FRMD6: variants seen among roughly 807,000 people sequenced by gnomAD.
The protein encoded by FRMD6 is FERM domain containing 6.
A neutral mutation model predicts 73.2 loss-of-function variants in FRMD6; 37 were observed. The observed-to-expected ratio is 0.51, with a 90% confidence interval of 0.39 to 0.66. FRMD6 has a LOEUF of 0.66. Ranked by LOEUF, FRMD6 falls within the 30% of genes least tolerant of loss-of-function variation. FRMD6 has a pLI of 0.00. For missense variants in FRMD6, 714 were observed against 780.5 expected (o/e 0.91, Z 1.02); for synonymous variants, 273 against 282.2 (o/e 0.97, Z 0.33).
chr14:51,585,939 G>GTGTGTGTGTATATATA, intron 2 of FRMD6, among the ~76,000 whole-genome samples: 14 of 31,418 alleles, frequency 4.5e-4, no homozygotes, highest in African/African-American at 9.6e-4. Context: ...GTGTGTGTGT[G>GTGTGTGTGTATATATA]TATATATATA....
intron 1 of FRMD6, among the ~76,000 whole-genome samples, chr14:51,499,171 T>G: frequency 6.6e-6 from 1 of 152,322 alleles, no homozygotes; most frequent in South Asian, 2.1e-4. Flanking sequence ...AACACATGTT[T>G]CTTGATGCTC....
intron 1 of FRMD6, among the ~76,000 whole-genome samples, chr14:51,518,804 C>A (rs1371794218): frequency 6.6e-6 from 1 of 152,162 alleles, no homozygotes; most frequent in Non-Finnish European, 1.5e-5. Flanking sequence ...CTTGTTGCCA[C>A]CATAGCATTG....
At chr14:51,405,387 T>C in the FRMD6 span, among the ~76,000 whole-genome samples, 2 of 152,166 alleles carry the variant, frequency 1.3e-5, no homozygotes, top group African/African-American at 4.8e-5. Flanking sequence ...ATTTATACTT[T>C]CATCAACTGT....
the FRMD6 span, among the ~76,000 whole-genome samples, chr14:51,404,012 T>C: frequency 1.3e-5 from 2 of 152,186 alleles, no homozygotes; most frequent in African/African-American, 2.4e-5. Context: ...GCTGCACCCA[T>C]TGGAACTTCT....
the FRMD6 span, among the ~76,000 whole-genome samples, chr14:51,406,738 T>C: frequency 0.92 from 140,138 of 152,262 alleles, 64,744 homozygotes; most frequent in African/African-American, 0.97. Flanking sequence ...CTTCCATATG[T>C]ATTTGTAAAC....
the FRMD6 span, among the ~76,000 whole-genome samples, chr14:51,408,873 T>C: frequency 3.3e-5 from 5 of 152,200 alleles, no homozygotes; most frequent in Admixed American, 2.0e-4. Flanking sequence ...AGGATCCAAA[T>C]GGTTTTCATC....
At chr14:51,717,829 GAA>G (rs1157414194) in intron 10 of FRMD6, among the ~76,000 whole-genome samples, 1 of 152,136 alleles carries the variant, frequency 6.6e-6, no homozygotes, top group African/African-American at 2.4e-5. Flanking sequence ...CATTTTAGTA[GAA>G]AATGATCACA....
At chr14:51,525,516 C>T (rs2140311448) in intron 1 of FRMD6, among the ~76,000 whole-genome samples, 1 of 152,198 alleles carries the variant, frequency 6.6e-6, no homozygotes, top group South Asian at 2.1e-4. Context: ...ATCCGCTGAC[C>T]TTGTGATCCG....
the FRMD6 span, among the ~76,000 whole-genome samples, chr14:51,463,985 T>G: frequency 6.6e-6 from 1 of 152,136 alleles, no homozygotes; most frequent in African/African-American, 2.4e-5. Context: ...GTGTGGCTAG[T>G]TCGTTTTAGA....
intron 2 of FRMD6, among the ~76,000 whole-genome samples, chr14:51,636,415 C>G (rs969971927): frequency 6.6e-6 from 1 of 152,142 alleles, no homozygotes; most frequent in Non-Finnish European, 1.5e-5. Context: ...CACTGCCTGA[C>G]TGTTGGTCCA....
At position 51,701,073 on chromosome 14, in the gene FRMD6, A is replaced by G. The variant is rs778756046; in HGVS notation, c.208A>G (p.Met70Val). Residue 70 changes from methionine to valine, a missense_variant, in exon 4 of 14, where the codon ATG becomes GTG. By Grantham distance (21) the Met-to-Val change is conservative. Transcript: ENST00000344768. ...ATGTACAGATAATGAACATGTGTATATGGAGTTGTCACAAAAGCTTTACAA... is the reference window on the plus strand; with the variant it reads ...ATGTACAGATAATGAACATGTGTATGTGGAGTTGTCACAAAAGCTTTACAA... ...SVIQNNEHVY[M>V]ELSQKLYKYC... is the part of the protein sequence containing the mutation. 1.0e-5 allele frequency: 16 copies of G among 1,562,448 alleles called. No homozygotes were observed. The South Asian group carries it at 1.1e-4, about 10-fold the overall frequency.
intron 2 of FRMD6, among the ~76,000 whole-genome samples, chr14:51,588,829 G>T (rs1171531212): frequency 6.6e-6 from 1 of 152,152 alleles, no homozygotes; most frequent in Admixed American, 6.5e-5. Flanking sequence ...ACCCACACAG[G>T]GGACAAAGGA....
At chr14:51,413,715 A>T in the FRMD6 span, among the ~76,000 whole-genome samples, 1 of 152,170 alleles carries the variant, frequency 6.6e-6, no homozygotes, top group Non-Finnish European at 1.5e-5. Flanking sequence ...CTAGTTCTAG[A>T]TCCTTGAGGA....
At chr14:51,559,887 C>G (rs1253963292) in intron 1 of FRMD6, among the ~76,000 whole-genome samples, 1 of 152,172 alleles carries the variant, frequency 6.6e-6, no homozygotes, top group South Asian at 2.1e-4. Context: ...TAAGCACAGT[C>G]ATGTTCATAG....
chr14:51,396,453 G>T, the FRMD6 span, among the ~76,000 whole-genome samples: 1 of 151,896 alleles, frequency 6.6e-6, no homozygotes, highest in African/African-American at 2.4e-5. Flanking sequence ...CATGGCCTAC[G>T]ACCTGCAAGA....
chr14:51,660,090 C>T (rs1032299166), intron 1 of FRMD6, among the ~76,000 whole-genome samples: 6 of 152,096 alleles, frequency 3.9e-5, no homozygotes, highest in East Asian at 3.9e-4. Flanking sequence ...CCCAGTTCCC[C>T]GTTTTGATTG....
chr14:51,442,017 CGT>C, the FRMD6 span, among the ~76,000 whole-genome samples: 2 of 152,116 alleles, frequency 1.3e-5, no homozygotes, highest in African/African-American at 4.8e-5. Flanking sequence ...TGTTATCATC[CGT>C]GTGTGTGCTC....
chr14:51,627,071 AT>A (rs543192260), intron 2 of FRMD6, among the ~76,000 whole-genome samples: 11 of 152,276 alleles, frequency 7.2e-5, no homozygotes, highest in Admixed American at 2.6e-4. Context: ...ACAATTTCTG[AT>A]TTTTTTATAT....
chr14:51,607,795 G>T (rs1264266397), intron 2 of FRMD6, among the ~76,000 whole-genome samples: 1 of 152,220 alleles, frequency 6.6e-6, no homozygotes, highest in African/African-American at 2.4e-5. Context: ...CCGGCCTTCC[G>T]GGTGGGGCCC....
Sources: gnomAD v4.1 joint callset for allele counts (sites outside exome capture counted in the v4.1 genomes callset) on GRCh38, gnomAD v4.1.1 for gene constraint, MANE v1.5 for transcripts, NCBI Gene and HGNC (gene_info 2026-07-23, HGNC 2026-07-21) for gene names.